Variants in ABCA13 observed in about 807,000 individuals in gnomAD.
ABCA13 encodes the protein ATP-binding cassette sub-family A member 13.
A neutral mutation model predicts 478.7 loss-of-function variants in ABCA13; 476 were observed. The observed-to-expected ratio is 0.99, with a 90% CI of 0.92 to 1.07. The LOEUF (loss-of-function observed/expected upper bound fraction) is 1.07. Ranked by LOEUF, ABCA13 falls within the 50% of genes least tolerant of loss-of-function variation. ABCA13 has a pLI of 0.00. For synonymous variants in ABCA13, 2,252 were observed against 2,158.9 expected, an observed-to-expected ratio of 1.04 and a Z score of -1.20; for missense variants, 6,060 against 5,910.6, an observed-to-expected ratio of 1.03 and a Z score of -0.83.
chr7:48,358,302 G>C (rs1375159073), intron 31 of ABCA13, among the ~76,000 whole-genome samples: 4 of 133,248 alleles, frequency 3.0e-5, no homozygotes, highest in Non-Finnish European at 4.6e-5. Context: ...TTATATCCTA[G>C]CCAGAGCTCA....
rs1401034000 is a variant in ABCA13 at position 48,316,645 on chromosome 7, G to A, written c.9860-512G>A. On this transcript the variant is annotated intron_variant, in intron 26 of 61. Transcript: ENST00000435803. ...GGGTAATTTGTAAAGAAAGAGGTTTGTTTGGCTCACAGTTCTGCAGACTAT... is the reference window on the plus strand; with the variant it reads ...GGGTAATTTGTAAAGAAAGAGGTTTATTTGGCTCACAGTTCTGCAGACTAT... Among the ~76,000 whole-genome samples the A allele has an allele frequency of 2.0e-5, 3 of 152,290 alleles. No individual in the cohort carries two copies. In the East Asian group the frequency reaches 5.8e-4, roughly 29 times the overall value.
chr7:48,592,594 T>C lies in ABCA13; in HGVS notation c.14641-2116T>C, dbSNP rs549315245. Among the ~76,000 whole-genome samples the C allele has an allele frequency of 5.3e-5, 8 of 152,092 alleles. No homozygotes were observed. The South Asian group carries it at 1.7e-3, about 32-fold the overall frequency. On this transcript the variant is annotated intron_variant, in intron 57 of 61. Transcript: ENST00000435803. ...TCTGTGTATGGCTGTTAGGTCCATT[T>C]GGTCTAAAGGGTAGTTCAAGTACAT...
intron 55 of ABCA13, among the ~76,000 whole-genome samples, chr7:48,561,075 ATG>A (rs2131263217): frequency 6.6e-6 from 1 of 152,204 alleles, no homozygotes; most frequent in South Asian, 2.1e-4. Context: ...TTGTATGTAT[ATG>A]TATATATATG....
chr7:48,327,836 T>C (rs1470707555), intron 27 of ABCA13, among the ~76,000 whole-genome samples: 2 of 152,224 alleles, frequency 1.3e-5, no homozygotes, highest in Non-Finnish European at 1.5e-5. Flanking sequence ...ATTTCACCCA[T>C]CCCCAGAATC....
At chr7:48,405,718 A>AT (rs1481618945) in intron 39 of ABCA13, among the ~76,000 whole-genome samples, 1 of 152,188 alleles carries the variant, frequency 6.6e-6, no homozygotes, top group Non-Finnish European at 1.5e-5. Context: ...CTGACAGAAC[A>AT]TTTTTGTAAT....
chr7:48,317,054 C>T (rs1439843884), intron 26 of ABCA13, 103 bp from the exon 27 acceptor site: 1 of 1,372,936 alleles, frequency 7.3e-7, no homozygotes, highest in East Asian at 2.5e-5. Flanking sequence ...AAAAATATGG[C>T]TGTCATTGAA....
chr7:48,375,464 A>G (rs1813317705), intron 34 of ABCA13, among the ~76,000 whole-genome samples: 1 of 152,254 alleles, frequency 6.6e-6, no homozygotes, highest in Non-Finnish European at 1.5e-5. Context: ...TAATAAGCAT[A>G]AAATAGAGTG....
At chr7:48,309,828 TC>T in intron 23 of ABCA13, 118 bp from the exon 24 acceptor site, 3 of 1,128,532 alleles carry the variant, frequency 2.7e-6, no homozygotes, top group Non-Finnish European at 3.8e-6. Context: ...TGCAGGTCAG[TC>T]CCGGGAGTTG....
rs767921149 is a variant in ABCA13 at position 48,276,069 on chromosome 7, A to G, written c.6403A>G (p.Asn2135Asp). The change falls in exon 17 of 62, where the codon AAT becomes GAT. Residue 2135 changes from asparagine (N) to aspartate (D), a missense_variant. Coordinates refer to ENST00000435803, the MANE Select transcript of ABCA13 (RefSeq NM_152701.5). ...VTKNWLQEYA[N>D]EDYSRMIETL... ...AAAAAACTGGCTTCAGGAATATGCAAATGAGGATTACTCCAGAATGATAGA... is the reference window on the plus strand; with the variant it reads ...AAAAAACTGGCTTCAGGAATATGCAGATGAGGATTACTCCAGAATGATAGA... 3 of 1,605,928 alleles carry G rather than the reference A, an allele frequency of 1.9e-6. No homozygotes were observed. Among genetic ancestry groups the G allele is most frequent in the Non-Finnish European group, 2.6e-6 (3 of 1,175,684 alleles).
chr7:48,400,721 C>G (rs781496568), intron 38 of ABCA13, among the ~76,000 whole-genome samples: 1 of 152,198 alleles, frequency 6.6e-6, no homozygotes, highest in African/African-American at 2.4e-5. Flanking sequence ...GGGTTCTCTT[C>G]CTGCTGCAAT....
At chr7:48,350,567 C>A in intron 29 of ABCA13, 76 bp from the exon 30 acceptor site, 4 of 1,384,646 alleles carry the variant, frequency 2.9e-6, no homozygotes, top group Non-Finnish European at 2.9e-6. Flanking sequence ...TCCATTTGCA[C>A]AATCTCCACT....
chr7:48,625,301 T>C (rs191431083), intron 59 of ABCA13, among the ~76,000 whole-genome samples: 1 of 152,210 alleles, frequency 6.6e-6, no homozygotes, highest in South Asian at 2.1e-4. Flanking sequence ...GTGGATCATT[T>C]AAAAGTGAAA....
rs879083703 is a variant in ABCA13 at position 48,376,626 on chromosome 7, A to G, written c.11335+54A>G. 4.4e-5 allele frequency: 67 copies of G among 1,538,976 alleles called. 1 individual carries two copies. The South Asian group carries it at 7.5e-4, about 17-fold the overall frequency. On this transcript the variant is annotated intron_variant, in intron 35 of 61. Transcript: ENST00000435803. ...ACAATAAATTTTAAAAACAGTTTGA[A>G]TTAATATGCATAAATATTAGAATAA...
intron 35 of ABCA13, among the ~76,000 whole-genome samples, chr7:48,380,623 G>A (rs998067858): frequency 1.3e-5 from 2 of 152,154 alleles, no homozygotes; most frequent in Non-Finnish European, 2.9e-5. Context: ...TTTCTTTGTT[G>A]CACTTTGTAG....
At chr7:48,308,270 G>A (rs973399752) in intron 23 of ABCA13, among the ~76,000 whole-genome samples, 1 of 152,146 alleles carries the variant, frequency 6.6e-6, no homozygotes, top group Non-Finnish European at 1.5e-5. Context: ...AATAACATGC[G>A]TAGAGCTGTC....
chr7:48,407,758 A>G (rs961309060), intron 39 of ABCA13, among the ~76,000 whole-genome samples: 9 of 152,044 alleles, frequency 5.9e-5, no homozygotes, highest in South Asian at 2.1e-4. Flanking sequence ...GGGTTTCTGC[A>G]TGTTGGCCAG....
chr7:48,332,083 T>G (rs1805496635), intron 27 of ABCA13, among the ~76,000 whole-genome samples: 2 of 152,246 alleles, frequency 1.3e-5, no homozygotes, highest in Admixed American at 6.5e-5. Context: ...AGTTCATTCA[T>G]TTTTATTGCT....
chr7:48,249,125 A>G (rs1792142038), intron 14 of ABCA13, 87 bp from the exon 15 acceptor site: 2 of 1,217,732 alleles, frequency 1.6e-6, no homozygotes, highest in African/African-American at 1.5e-5. Context: ...ATTTGCATAT[A>G]TTTGTTTTTA....
intron 35 of ABCA13, among the ~76,000 whole-genome samples, chr7:48,385,971 C>CT (rs1364999110): frequency 5.9e-5 from 9 of 152,124 alleles, no homozygotes; most frequent in African/African-American, 2.2e-4. Context: ...TGAGAAGTGT[C>CT]TCTTTATATC....
Sources: allele counts gnomAD v4.1 joint callset (sites outside exome capture counted in the v4.1 genomes callset), GRCh38; gene constraint gnomAD v4.1.1; transcripts MANE v1.5; gene names NCBI Gene and HGNC (gene_info 2026-07-23, HGNC 2026-07-21).